CHODL: variants seen among roughly 807,000 people sequenced by gnomAD.
The protein encoded by CHODL is transmembrane protein MT75.
CHODL carries 29 observed loss-of-function variants against 34.5 expected under a neutral mutation model. The ratio of observed to expected loss-of-function variants is 0.84; its 90% CI spans 0.63 to 1.15. The LOEUF (loss-of-function observed/expected upper bound fraction) is 1.15, where lower values mean the gene tolerates loss of function less well. CHODL is among the 50% of genes most tolerant of loss of function. The probability of loss-of-function intolerance (pLI) is 0.00; values close to 1 mark genes in which losing one functional copy is unlikely to be tolerated. For missense variants in CHODL, 332 were observed against 332.5 expected (o/e 1.00, Z 0.01); for synonymous variants, 125 against 116.1 (o/e 1.08, Z -0.49).
intron 2 of CHODL, among the ~76,000 whole-genome samples, chr21:18,204,215 A>G (rs1007467232): frequency 2.6e-4 from 40 of 152,280 alleles, no homozygotes; most frequent in African/African-American, 9.6e-4. Context: ...TACTTTGAGC[A>G]AGGCATAATT....
At chr21:18,035,501 G>A (rs968937839) in intron 2 of CHODL, among the ~76,000 whole-genome samples, 7 of 151,840 alleles carry the variant, frequency 4.6e-5, no homozygotes, top group Admixed American at 6.6e-5. Context: ...AGTGTTCCTC[G>A]AATTTGGAAT....
chr21:18,152,740 C>T (rs955976452), intron 2 of CHODL, among the ~76,000 whole-genome samples: 2 of 152,162 alleles, frequency 1.3e-5, no homozygotes, highest in African/African-American at 2.4e-5. Flanking sequence ...GTTCAGATCC[C>T]TCAAGAAGAA....
intron 2 of CHODL, among the ~76,000 whole-genome samples, chr21:18,214,944 T>C (rs1480201496): frequency 6.6e-6 from 1 of 152,052 alleles, no homozygotes; most frequent in African/African-American, 2.4e-5. Flanking sequence ...GAGGAAAACA[T>C]AGCATCCAAA....
intron 2 of CHODL, chr21:18,034,538 A>G (rs1377829466): frequency 6.6e-6 from 1 of 152,038 alleles, no homozygotes; most frequent in Non-Finnish European, 1.5e-5. Context: ...TCTTCATGTC[A>G]TGGAGTTAAT....
intron 2 of CHODL, among the ~76,000 whole-genome samples, chr21:18,161,961 T>G (rs1431101305): frequency 1.3e-5 from 2 of 152,154 alleles, no homozygotes; most frequent in Non-Finnish European, 2.9e-5. Context: ...CTGGTTGAGC[T>G]TTCACAAAAT....
intron 3 of CHODL, among the ~76,000 whole-genome samples, chr21:18,258,441 A>T (rs2074342690): frequency 6.6e-6 from 1 of 151,680 alleles, no homozygotes; most frequent in Admixed American, 6.6e-5. Context: ...CTTTCTTTTG[A>T]GTTCAAAGGT....
At chr21:17,954,864 C>T (rs1432375449) in intron 1 of CHODL, among the ~76,000 whole-genome samples, 5 of 123,728 alleles carry the variant, frequency 4.0e-5, no homozygotes, top group East Asian at 2.4e-4. Flanking sequence ...ATATATAATT[C>T]TTATATATTT....
intron 2 of CHODL, among the ~76,000 whole-genome samples, chr21:18,209,159 A>G (rs2073746775): frequency 6.6e-6 from 1 of 152,218 alleles, no homozygotes; most frequent in Non-Finnish European, 1.5e-5. Context: ...TCCAGGAGCC[A>G]GGGCCAAGAG....
At chr21:17,984,414 A>G (rs1568830274) in intron 1 of CHODL, among the ~76,000 whole-genome samples, 1 of 152,192 alleles carries the variant, frequency 6.6e-6, no homozygotes. Flanking sequence ...ATCATATGGC[A>G]GTTCTACTTC....
At chr21:17,976,547 G>C (rs1185471260) in intron 1 of CHODL, among the ~76,000 whole-genome samples, 1 of 152,024 alleles carries the variant, frequency 6.6e-6, no homozygotes, top group Admixed American at 6.6e-5. Context: ...TCATTTAATA[G>C]TTCACCAAAT....
At chr21:18,038,449 A>C (rs1030576314) in intron 2 of CHODL, among the ~76,000 whole-genome samples, 1 of 151,766 alleles carries the variant, frequency 6.6e-6, no homozygotes, top group Non-Finnish European at 1.5e-5. Flanking sequence ...CGAATTCAGG[A>C]ATCCAGTTAA....
chr21:18,116,555 G>A (rs1474221621), intron 2 of CHODL, among the ~76,000 whole-genome samples: 1 of 151,924 alleles, frequency 6.6e-6, no homozygotes, highest in Non-Finnish European at 1.5e-5. Flanking sequence ...TTTTTTGTTT[G>A]AGCTTGAAAG....
chr21:17,970,005 A>C lies in CHODL; in HGVS notation c.-145+52605A>C, dbSNP rs372541261. On this transcript the variant is annotated intron_variant, in intron 1 of 6. Transcript: ENST00000400127. ...CCCATTACTCATTTCAAACCATGAG[A>C]AGAAGTATGTCCTGATTGACAGGTG... is the stretch of plus-strand genomic sequence containing the variant. 1.8e-4 allele frequency among the ~76,000 whole-genome samples: 27 copies of C among 152,292 alleles called. 1 individual carries two copies. The highest frequency in any genetic ancestry group is 5.1e-4 in the African/African-American group (21 of 41,562).
At chr21:18,023,946 G>GT (rs751729398) in intron 1 of CHODL, among the ~76,000 whole-genome samples, 21 of 152,182 alleles carry the variant, frequency 1.4e-4, no homozygotes, top group Non-Finnish European at 1.5e-5. Flanking sequence ...ATTAGTTATG[G>GT]TAAAAGAGAA....
intron 2 of CHODL, among the ~76,000 whole-genome samples, chr21:18,137,701 C>T (rs900236194): frequency 3.3e-5 from 5 of 152,212 alleles, no homozygotes; most frequent in African/African-American, 1.2e-4. Flanking sequence ...AGTGAAAACA[C>T]ATTTTATTTT....
intron 2 of CHODL, among the ~76,000 whole-genome samples, chr21:18,229,759 C>T (rs771954668): frequency 1.2e-4 from 19 of 152,104 alleles, no homozygotes; most frequent in South Asian, 2.1e-4. Flanking sequence ...CCAAACAACA[C>T]GTCCATCCCC....
chr21:17,977,899 C>T lies in CHODL; in HGVS notation c.-144-49973C>T, dbSNP rs542039250. Reference sequence around the variant, plus strand: ...GCGCCACTGCATTCCAGCTTGGCAACAGAGCAACACTCCCATCTCAAAAAA... The same window carrying T: ...GCGCCACTGCATTCCAGCTTGGCAATAGAGCAACACTCCCATCTCAAAAAA... On this transcript the variant is annotated intron_variant, in intron 1 of 6. Coordinates refer to the CHODL transcript ENST00000400127. Among the ~76,000 whole-genome samples, 10 of 100,232 alleles carry T rather than the reference C, an allele frequency of 1.0e-4. No individual in the cohort carries two copies. The East Asian group carries it at 3.1e-3, about 31-fold the overall frequency. 65.8% of individuals were successfully genotyped at this position (100,232 alleles called of 152,430 possible). A position where few individuals can be genotyped will look rare whatever the true frequency, so the allele number is the denominator to read the frequency against.
intron 2 of CHODL, among the ~76,000 whole-genome samples, chr21:18,045,335 G>C (rs996887477): frequency 2.6e-5 from 4 of 151,948 alleles, no homozygotes; most frequent in Non-Finnish European, 5.9e-5. Flanking sequence ...ATGTAATTAA[G>C]GATCTCAAAA....
intron 2 of CHODL, among the ~76,000 whole-genome samples, chr21:18,086,818 G>T (rs556287689): frequency 2.2e-4 from 34 of 152,264 alleles, no homozygotes; most frequent in African/African-American, 7.2e-4. Context: ...CTTCTGAAGG[G>T]CTGATTCTTG....
Sources: gnomAD v4.1 joint callset for allele counts (sites outside exome capture counted in the v4.1 genomes callset) on GRCh38, gnomAD v4.1.1 for gene constraint, MANE v1.5 for transcripts, NCBI Gene and HGNC (gene_info 2026-07-23, HGNC 2026-07-21) for gene names.